Variants in IFT88 observed in about 807,000 individuals in gnomAD.
The protein encoded by IFT88 is intraflagellar transport 88.
In IFT88, 74 loss-of-function variants were observed where a neutral mutation model predicts 119.5. That is an observed-to-expected ratio of 0.62 (90% CI 0.51 to 0.75). IFT88 has a LOEUF of 0.75. Ranked by LOEUF, IFT88 falls within the 30% of genes least tolerant of loss-of-function variation. The probability of loss-of-function intolerance (pLI) is 0.00; values close to 1 mark genes in which losing one functional copy is unlikely to be tolerated. For missense variants in IFT88, 961 were observed against 977.7 expected (o/e 0.98, Z 0.23); for synonymous variants, 279 against 316.7 (o/e 0.88, Z 1.26).
intron 22 of IFT88, among the ~76,000 whole-genome samples, chr13:20,660,184 A>G (rs546257168): frequency 2.0e-4 from 30 of 152,318 alleles, no homozygotes; most frequent in African/African-American, 7.0e-4. Context: ...CTGGTATTTG[A>G]GACAGGGTTG....
chr13:20,592,170 GA>G (rs1433594344), intron 6 of IFT88, among the ~76,000 whole-genome samples, 164 bp from the exon 7 acceptor site: 6 of 152,066 alleles, frequency 3.9e-5, no homozygotes, highest in Non-Finnish European at 8.8e-5. Flanking sequence ...CCCAGTATAT[GA>G]AATGTTTATG....
chr13:20,638,566 G>T, intron 17 of IFT88, 48 bp downstream of exon 17: 1 of 1,293,514 alleles, frequency 7.7e-7, no homozygotes, highest in South Asian at 2.6e-5. Context: ...TATTTGCTTT[G>T]TATTTGTTTT....
chr13:20,578,872 C>T (rs1039687580), intron 2 of IFT88, among the ~76,000 whole-genome samples: 1 of 152,184 alleles, frequency 6.6e-6, no homozygotes, highest in Non-Finnish European at 1.5e-5. Flanking sequence ...TCTATGGTAT[C>T]AGTTGTAATG....
chr13:20,676,695 A>G (rs970552362), intron 24 of IFT88, among the ~76,000 whole-genome samples: 8 of 152,256 alleles, frequency 5.3e-5, no homozygotes, highest in African/African-American at 1.7e-4. Context: ...GAAGTTACCA[A>G]TTTGGAAAGC....
intron 5 of IFT88, 123 bp downstream of exon 5, chr13:20,591,143 C>T: frequency 1.5e-6 from 1 of 675,430 alleles, no homozygotes; most frequent in Non-Finnish European, 2.5e-6. Context: ...ATATAGTGAC[C>T]CAGATTCTTT....
At chr13:20,637,772 G>C (rs9579912) in intron 16 of IFT88, among the ~76,000 whole-genome samples, 8,239 of 152,282 alleles carry the variant, frequency 0.054, 345 homozygotes, top group Non-Finnish European at 0.08. Flanking sequence ...GAGGCTAATA[G>C]TGAAGGAGCT....
chr13:20,635,897 A>G (rs1419777495), intron 16 of IFT88, among the ~76,000 whole-genome samples: 1 of 152,114 alleles, frequency 6.6e-6, no homozygotes, highest in Non-Finnish European at 1.5e-5. Context: ...AACCTAAAGT[A>G]AAAAATAAAA....
intron 11 of IFT88, among the ~76,000 whole-genome samples, chr13:20,600,860 G>A (rs780356031): frequency 3.1e-4 from 47 of 152,206 alleles, no homozygotes; most frequent in East Asian, 1.2e-3. Flanking sequence ...GAAACAAGAC[G>A]AATGTCTACC....
In IFT88 at chr13:20,592,365, G is replaced by A; in HGVS notation, c.359G>A (p.Arg120Lys). Residue 120 changes from arginine (R) to lysine (K), a missense_variant, in exon 7 of 26, where the codon AGG (arginine) becomes AAG (lysine). Coordinates refer to ENST00000351808, the MANE Select transcript of IFT88 (RefSeq NM_006531.5). Reference sequence around the variant, plus strand: ...GCATTTGACCCCCTTAGTCAGTCAAGGGGCCCTGCTTCCCCTTTGGAAGCC... The same window carrying A: ...GCATTTGACCCCCTTAGTCAGTCAAAGGGCCCTGCTTCCCCTTTGGAAGCC... Reference protein sequence around the residue: ...GSAFDPLSQSRGPASPLEAKK... With the variant: ...GSAFDPLSQSKGPASPLEAKK... 1 of 1,611,558 alleles carries A rather than the reference G, an allele frequency of 6.2e-7. No individual in the cohort carries two copies. The highest frequency in any genetic ancestry group is 8.5e-7 in the Non-Finnish European group (1 of 1,179,102).
intron 16 of IFT88, among the ~76,000 whole-genome samples, chr13:20,635,308 T>C (rs1594468725): frequency 6.6e-6 from 1 of 152,140 alleles, no homozygotes; most frequent in African/African-American, 2.4e-5. Flanking sequence ...TCCAAAAATT[T>C]CTGAATGAAA....
chr13:20,680,624 G>T (rs528124290), intron 24 of IFT88, among the ~76,000 whole-genome samples: 1 of 152,146 alleles, frequency 6.6e-6, no homozygotes, highest in Non-Finnish European at 1.5e-5. Flanking sequence ...CTGGCCCCAG[G>T]GGGGTGGCTG....
At chr13:20,667,444 T>TCCTG (rs1434352884) in intron 23 of IFT88, among the ~76,000 whole-genome samples, 4 of 152,098 alleles carry the variant, frequency 2.6e-5, no homozygotes, top group Non-Finnish European at 5.9e-5. Context: ...GGGCAGGAAT[T>TCCTG]CCCTGCCCAG....
intron 4 of IFT88, 74 bp downstream of exon 4, chr13:20,589,941 AT>A (rs904751471): frequency 7.5e-5 from 60 of 805,364 alleles, no homozygotes; most frequent in South Asian, 6.8e-4. Flanking sequence ...GTTCTGAATA[AT>A]TTTATTATAT....
chr13:20,597,945 G>A (rs892495436), intron 9 of IFT88, among the ~76,000 whole-genome samples: 1 of 151,690 alleles, frequency 6.6e-6, no homozygotes, highest in Non-Finnish European at 1.5e-5. Context: ...GTTCTATGAG[G>A]GTAGTGGGGA....
Position 20,638,497 on chromosome 13 carries a change from A to G in IFT88, c.1552A>G (p.Thr518Ala). The change falls in exon 17 of 26, where the codon ACT becomes GCT. Residue 518 changes from threonine to alanine, a missense_variant. Transcript: ENST00000351808. ...KEALRNDSSC[T>A]EALYNIGLTY... Reference sequence around the variant, plus strand: ...GGCTCTAAGAAATGATTCTTCTTGTACTGAAGCACTTTATAATATTGGTAA... The same window carrying G: ...GGCTCTAAGAAATGATTCTTCTTGTGCTGAAGCACTTTATAATATTGGTAA... 1 of 1,482,208 alleles carries G rather than the reference A, an allele frequency of 6.7e-7. No homozygotes were observed. Among genetic ancestry groups the G allele is most frequent in the Non-Finnish European group, 8.9e-7 (1 of 1,119,832 alleles). 91.8% of individuals were successfully genotyped at this position (1,482,208 alleles called of 1,614,324 possible). A position where few individuals can be genotyped will look rare whatever the true frequency, so the allele number is the denominator to read the frequency against.
chr13:20,635,329 C>A (rs967407068), intron 16 of IFT88, among the ~76,000 whole-genome samples: 4 of 152,128 alleles, frequency 2.6e-5, no homozygotes, highest in African/African-American at 4.8e-5. Context: ...AGACATGGCA[C>A]CTGTCCCATC....
intron 14 of IFT88, among the ~76,000 whole-genome samples, chr13:20,617,455 A>G (rs772397881): frequency 6.6e-6 from 1 of 152,218 alleles, no homozygotes; most frequent in Non-Finnish European, 1.5e-5. Context: ...AGCCCTGTCT[A>G]TAGAATCCTT....
intron 13 of IFT88, chr13:20,607,281 G>A (rs2043651315): frequency 4.6e-6 from 2 of 432,792 alleles, no homozygotes; most frequent in Non-Finnish European, 9.3e-6. Context: ...TACCCGTACT[G>A]CGTGCTGCCA....
chr13:20,656,464 A>G, intron 22 of IFT88, 34 bp downstream of exon 22: 2 of 996,536 alleles, frequency 2.0e-6, no homozygotes, highest in South Asian at 1.7e-5. Flanking sequence ...CTTTGAAGTG[A>G]TAAGTTCTCA....
Sources: allele counts gnomAD v4.1 joint callset (sites outside exome capture counted in the v4.1 genomes callset), GRCh38; gene constraint gnomAD v4.1.1; transcripts MANE v1.5; gene names NCBI Gene and HGNC (gene_info 2026-07-23, HGNC 2026-07-21).